The following JADE2 variants were observed in gnomAD, a reference collection of about 807,000 sequenced individuals.
JADE2 encodes the protein jade family PHD finger 2.
In JADE2, 13 loss-of-function variants were observed where a neutral mutation model predicts 85.7. The observed-to-expected ratio is 0.15, with a 90% confidence interval of 0.10 to 0.24. The LOEUF (loss-of-function observed/expected upper bound fraction) is 0.24. Ranked by LOEUF, JADE2 falls within the 10% of genes least tolerant of loss-of-function variation. The pLI is 1.00. For synonymous variants in JADE2, 440 were observed against 456.1 expected (o/e 0.96, Z 0.45); for missense variants, 846 against 1,115.9 (o/e 0.76, Z 3.45).
Position 134,580,430 on chromosome 5 carries a change from C to CCA in JADE2, c.*1114_*1115insAC, listed in dbSNP as rs1554131255. 3 of 125,032 alleles carry CCA rather than the reference C, an allele frequency of 2.4e-5. No homozygotes were observed. The highest frequency in any genetic ancestry group is 3.2e-4 in the East Asian group (1 of 3,154). The allele number at this position is 125,032 out of a possible 1,614,324, so 7.7% of individuals were successfully genotyped here. ...CTTAACCCCTCGCACAGCCATCCCC[C>CCA]CCCCCGTCCTGCCATCCCCCCCCGC... On this transcript the variant is annotated 3_prime_UTR_variant, in exon 12 of 12. Coordinates refer to ENST00000681547, the MANE Select transcript of JADE2 (RefSeq NM_001388185.1).
intron 4 of JADE2, among the ~76,000 whole-genome samples, chr5:134,558,820 G>A (rs1763146958): frequency 6.6e-6 from 1 of 152,256 alleles, no homozygotes; most frequent in Non-Finnish European, 1.5e-5. Flanking sequence ...TTACAGGCAT[G>A]AGCCACCACG....
intron 1 of JADE2, among the ~76,000 whole-genome samples, chr5:134,527,727 T>C (rs957108875): frequency 6.7e-6 from 1 of 148,522 alleles, no homozygotes; most frequent in Non-Finnish European, 1.5e-5. Flanking sequence ...AGGGGCGGGC[T>C]GGAGGCGCGC....
In JADE2 at chr5:134,581,266, C is replaced by T. The variant is rs1231164137; in HGVS notation, c.*1949C>T. 6.6e-6 allele frequency: 1 copy of T among 152,630 alleles called. No homozygotes were observed. Among genetic ancestry groups the T allele is most frequent in the Non-Finnish European group, 1.5e-5 (1 of 68,066 alleles). 9.5% of individuals were successfully genotyped at this position (152,630 alleles called of 1,614,324 possible). A position where few individuals can be genotyped will look rare whatever the true frequency, so the allele number is the denominator to read the frequency against. ...CTGTAGAGTTTAGTCTGCCTGCCCG[C>T]CTTGGTAGTAGTGACCAGTCAGTGT... On this transcript the variant is annotated 3_prime_UTR_variant, in exon 12 of 12. Transcript: ENST00000681547.
At chr5:134,525,023 C>T (rs1760715634), upstream of JADE2, among the ~76,000 whole-genome samples, 2 of 151,984 alleles carry the variant, frequency 1.3e-5, no homozygotes, top group Admixed American at 6.5e-5. Context: ...GCGGGGTGCT[C>T]AGTGCAAACC....
chr5:134,546,146 TTTTG>T (rs1244479491), intron 3 of JADE2, among the ~76,000 whole-genome samples: 2 of 150,588 alleles, frequency 1.3e-5, no homozygotes, highest in Non-Finnish European at 3.0e-5. Context: ...GCATTTCGTT[TTTTG>T]TTTTTTTGTT....
intron 10 of JADE2, 149 bp downstream of exon 10, chr5:134,573,911 A>G: frequency 2.7e-6 from 2 of 732,536 alleles, no homozygotes; most frequent in South Asian, 2.8e-5. Flanking sequence ...TCACCATCCA[A>G]TTAGTAGGCC....
chr5:134,525,404 G>T (rs1017291206), upstream of JADE2, among the ~76,000 whole-genome samples: 1 of 151,914 alleles, frequency 6.6e-6, no homozygotes, highest in Admixed American at 6.5e-5. Context: ...CAGGGTGCCA[G>T]CAGGCGTGGT....
chr5:134,564,463 G>A (rs1456221626), intron 7 of JADE2, 31 bp from the exon 8 acceptor site: 1 of 1,441,222 alleles, frequency 6.9e-7, no homozygotes, highest in Middle Eastern at 1.8e-4. Context: ...GGGGATGAGA[G>A]GAATGATGCA....
chr5:134,524,837 G>C (rs940121447), upstream of JADE2, among the ~76,000 whole-genome samples: 3 of 152,206 alleles, frequency 2.0e-5, no homozygotes, highest in Non-Finnish European at 4.4e-5. Context: ...GCGGGGAGGA[G>C]GGCCGCGCCC....
intron 3 of JADE2, among the ~76,000 whole-genome samples, chr5:134,546,380 CTG>C (rs1478750942): frequency 6.6e-6 from 1 of 152,218 alleles, no homozygotes; most frequent in Non-Finnish European, 1.5e-5. Flanking sequence ...GTGTCAAACA[CTG>C]TGCCAAAAGC....
chr5:134,524,861 C>G (rs927566585), upstream of JADE2, among the ~76,000 whole-genome samples: 1 of 152,222 alleles, frequency 6.6e-6, no homozygotes, highest in Non-Finnish European at 1.5e-5. Context: ...CCCCAAGACT[C>G]GCGTTCGCCC....
intron 3 of JADE2, among the ~76,000 whole-genome samples, chr5:134,538,697 G>A (rs1561729525): frequency 6.6e-6 from 1 of 152,094 alleles, no homozygotes; most frequent in South Asian, 2.1e-4. Flanking sequence ...TCCTTCTGGG[G>A]TCCCTGAAAA....
intron 7 of JADE2, among the ~76,000 whole-genome samples, chr5:134,563,554 C>T (rs964880744): frequency 6.6e-6 from 1 of 152,202 alleles, no homozygotes; most frequent in Non-Finnish European, 1.5e-5. Context: ...AGCCCCAGCC[C>T]TGCTGTGTGG....
intron 8 of JADE2, 130 bp downstream of exon 8, chr5:134,564,740 G>T: frequency 5.2e-6 from 3 of 571,580 alleles, no homozygotes; most frequent in Non-Finnish European, 9.2e-6. Flanking sequence ...AGGGGTGTGG[G>T]ACTGGGGCCA....
In JADE2 at chr5:134,566,021, C is replaced by A; in HGVS notation, c.970-95C>A. ...TCTGTTTAGGTTCTCTCCAGCATTG[C>A]GCATTCTCAGTAGAGCCCTGGGGGA... On this transcript the variant is annotated intron_variant, in intron 8 of 11. Coordinates refer to ENST00000681547, the MANE Select transcript of JADE2 (RefSeq NM_001388185.1). This position sits in a 1 kb window ranked among gnomAD's most constrained non-coding sequence, Gnocchi z 6.7. 1 of 1,072,810 alleles carries A rather than the reference C, an allele frequency of 9.3e-7. No individual in the cohort carries two copies. Among genetic ancestry groups the A allele is most frequent in the Non-Finnish European group, 1.4e-6 (1 of 724,134 alleles). The allele number at this position is 1,072,810 out of a possible 1,614,324, so 66.5% of individuals were successfully genotyped here.
intron 9 of JADE2, among the ~76,000 whole-genome samples, chr5:134,572,094 G>T (rs1005588338): frequency 6.6e-5 from 10 of 152,262 alleles, no homozygotes; most frequent in Admixed American, 4.6e-4. Context: ...GTGCTTAAGG[G>T]TGTGGGGGAA....
chr5:134,526,567 C>T, intron 1 of JADE2: 1 of 985,434 alleles, frequency 1.0e-6, no homozygotes, highest in South Asian at 4.7e-5. Context: ...CACATGACCT[C>T]GCGCTGGGCT....
chr5:134,530,898 G>C (rs1046056948), intron 1 of JADE2, among the ~76,000 whole-genome samples: 9 of 152,210 alleles, frequency 5.9e-5, no homozygotes, highest in Admixed American at 5.9e-4. Flanking sequence ...ACACTTCTTG[G>C]GGGAGGGAGC....
At chr5:134,526,267 C>G (rs1219574818) in intron 1 of JADE2, 1 of 985,344 alleles carries the variant, frequency 1.0e-6, no homozygotes, top group Non-Finnish European at 1.2e-6. Flanking sequence ...GGGGCGCATG[C>G]AACAACAACT....
Sources: allele counts gnomAD v4.1 joint callset (sites outside exome capture counted in the v4.1 genomes callset), GRCh38; gene constraint gnomAD v4.1.1; non-coding constraint Gnocchi (gnomAD v3.1); transcripts MANE v1.5; gene names NCBI Gene and HGNC (gene_info 2026-07-23, HGNC 2026-07-21).